STAU2: variants seen among roughly 807,000 people sequenced by gnomAD.
The protein encoded by STAU2 is double-stranded RNA-binding protein Staufen homolog 2.
Under a neutral mutation model 65.9 loss-of-function variants are expected in STAU2, and 20 were observed. The ratio of observed to expected loss-of-function variants is 0.30; its 90% confidence interval spans 0.21 to 0.44. STAU2 has a LOEUF of 0.44. Among genes scored for constraint, STAU2 ranks in the 20% least tolerant of loss-of-function variants. The probability of loss-of-function intolerance (pLI) is 1.00; values close to 1 mark genes in which losing one functional copy is unlikely to be tolerated. For missense variants in STAU2, 558 were observed against 683.9 expected (o/e 0.82, Z 2.05); for synonymous variants, 232 against 233.9 (o/e 0.99, Z 0.07).
intron 13 of STAU2, among the ~76,000 whole-genome samples, chr8:73,435,608 A>T (rs1419011928): frequency 6.6e-6 from 1 of 151,908 alleles, no homozygotes; most frequent in Non-Finnish European, 1.5e-5. Flanking sequence ...AGGAAGCAGG[A>T]CTGGGTTGTA....
At chr8:73,515,929 G>C (rs1235422348) in intron 13 of STAU2, among the ~76,000 whole-genome samples, 1 of 147,786 alleles carries the variant, frequency 6.8e-6, no homozygotes, top group Non-Finnish European at 1.5e-5. Context: ...ATAGGGCACT[G>C]ACTCTTTTTT....
At chr8:73,606,544 A>G (rs1812047186) in intron 9 of STAU2, among the ~76,000 whole-genome samples, 1 of 152,254 alleles carries the variant, frequency 6.6e-6, no homozygotes, top group Non-Finnish European at 1.5e-5. Flanking sequence ...ATGAGATATC[A>G]ATACCCATCT....
Sources: gnomAD v4.1 joint callset for allele counts (sites outside exome capture counted in the v4.1 genomes callset) on GRCh38, gnomAD v4.1.1 for gene constraint, MANE v1.5 for transcripts, NCBI Gene and HGNC (gene_info 2026-07-23, HGNC 2026-07-21) for gene names.